YPEL4: variants seen among roughly 807,000 people sequenced by gnomAD.
YPEL4 encodes protein yippee-like 4.
Under a neutral mutation model 16.3 loss-of-function variants are expected in YPEL4, and 5 were observed. That is an observed-to-expected ratio of 0.31 (90% confidence interval 0.16 to 0.64). YPEL4 has a LOEUF of 0.64. Ranked by LOEUF, YPEL4 falls within the 30% of genes least tolerant of loss-of-function variation. The pLI, the probability that YPEL4 is intolerant of heterozygous loss-of-function variation, is 0.79. For synonymous variants in YPEL4, 61 were observed against 60.7 expected, an observed-to-expected ratio of 1.00 and a Z score of -0.02; for missense variants, 127 against 170.0, an observed-to-expected ratio of 0.75 and a Z score of 1.41.
Position 57,647,563 on chromosome 11 carries a change from A to G in YPEL4, c.-184-272T>C, listed in dbSNP as rs1945747425. The G allele has an allele frequency of 6.5e-6, 1 of 154,312 alleles. No individual in the cohort carries two copies. Among genetic ancestry groups the G allele is most frequent in the South Asian group, 2.1e-4 (1 of 4,878 alleles). The allele number at this position is 154,312 out of a possible 1,614,324, so 9.6% of individuals were successfully genotyped here. A position where few individuals can be genotyped will look rare whatever the true frequency, so the allele number is the denominator to read the frequency against. On this transcript the variant is annotated intron_variant, in intron 1 of 4. Transcript: ENST00000300022. The surrounding 1 kb of genome is among the most constrained non-coding windows in gnomAD (Gnocchi z 4.2). ...AAGCAGCCTCCACCATTTTCCACAG[A>G]GAGAAGCCCACGGGCACAGACGCTG...
At chr11:57,646,448 C>G (rs1371969310) in intron 3 of YPEL4, 43 bp from the exon 4 acceptor site, 2 of 1,607,512 alleles carry the variant, frequency 1.2e-6, no homozygotes, top group Non-Finnish European at 1.7e-6. Flanking sequence ...AGTGGGGTTG[C>G]ACTGTCAGTC....
chr11:57,646,566 G>T, intron 3 of YPEL4, 161 bp from the exon 4 acceptor site: 1 of 1,202,622 alleles, frequency 8.3e-7, no homozygotes, highest in Non-Finnish European at 1.2e-6. Context: ...TTTTTCCACC[G>T]TTATGATTTC....
At chr11:57,648,607 C>T (rs989822783) in intron 1 of YPEL4, 1 of 152,554 alleles carries the variant, frequency 6.6e-6, no homozygotes, top group Non-Finnish European at 1.5e-5. Flanking sequence ...ACAGGCTCTC[C>T]TCGTCCTGTC....
At chr11:57,646,459 C>T (rs1018514848) in intron 3 of YPEL4, 54 bp from the exon 4 acceptor site, 20 of 1,599,992 alleles carry the variant, frequency 1.3e-5, no homozygotes, top group Non-Finnish European at 1.6e-5. Context: ...ACTGTCAGTC[C>T]AGTCCCCAGA....
intron 1 of YPEL4, chr11:57,648,125 T>C (rs1443248219): frequency 2.0e-5 from 3 of 152,294 alleles, no homozygotes; most frequent in Non-Finnish European, 4.4e-5. Context: ...ATGGGTAGCA[T>C]GTCAGAGGAG....
rs1945751926 is a variant in YPEL4, at chr11:57,647,905, G to C, written c.-184-614C>G. ...TAGAACTTTATAGATGTTTCCAACAGTACCAAAGCCCTCACGTGTGGCCGC... is the reference window on the plus strand; with the variant it reads ...TAGAACTTTATAGATGTTTCCAACACTACCAAAGCCCTCACGTGTGGCCGC... On this transcript the variant is annotated intron_variant, in intron 1 of 4. Transcript: ENST00000300022. The surrounding 1 kb of genome is among the most constrained non-coding windows in gnomAD (Gnocchi z 4.2). The C allele has an allele frequency of 6.6e-6, 1 of 152,302 alleles. No homozygotes were observed. Among genetic ancestry groups the C allele is most frequent in the East Asian group, 1.9e-4 (1 of 5,180 alleles). 9.4% of individuals were successfully genotyped at this position (152,302 alleles called of 1,614,324 possible). A position where few individuals can be genotyped will look rare whatever the true frequency, so the allele number is the denominator to read the frequency against.
intron 1 of YPEL4, chr11:57,648,057 A>G (rs1490581641): frequency 6.6e-6 from 1 of 152,168 alleles, no homozygotes. Flanking sequence ...CCTTGGTTAA[A>G]GACTTAGGCA....
Position 57,645,609 on chromosome 11 carries a change from TTG to T in YPEL4, c.*370_*371del, listed in dbSNP as rs1201811763. 4 of 224,316 alleles carry T rather than the reference TTG, an allele frequency of 1.8e-5. 1 individual carries two copies. Among genetic ancestry groups the T allele is most frequent in the African/African-American group, 9.1e-5 (4 of 44,190 alleles). 13.9% of individuals were successfully genotyped at this position (224,316 alleles called of 1,614,324 possible). ...ATCTACTTGCCCTGTGACCCAAGGTTTGTCCTCTGTTCACTCAAAAAGAGGTG... is the reference window on the plus strand; with the variant it reads ...ATCTACTTGCCCTGTGACCCAAGGTTTCCTCTGTTCACTCAAAAAGAGGTG... On this transcript the variant is annotated 3_prime_UTR_variant, in exon 5 of 5. Transcript: ENST00000300022.
chr11:57,647,103 G>T lies in YPEL4; in HGVS notation c.5C>A (p.Pro2His). The change falls in exon 2 of 5, where the codon CCC becomes CAC. Residue 2 changes from proline to histidine, a missense_variant. Physicochemically the swap from Pro to His is moderately conservative, Grantham distance 77. Transcript: ENST00000300022. This position sits in a 1 kb window ranked among gnomAD's most constrained non-coding sequence, Gnocchi z 4.2. M[P>H]SCDPGPGPAC... ...AGGGCCCGGACCGGGGTCACAGCTGGGCATGACGGGCTGGAGGACAATGCC... is the reference window on the plus strand; with the variant it reads ...AGGGCCCGGACCGGGGTCACAGCTGTGCATGACGGGCTGGAGGACAATGCC... 6.4e-7 allele frequency: 1 copy of T among 1,573,652 alleles called. No homozygotes were observed. Among genetic ancestry groups the T allele is most frequent in the Non-Finnish European group, 8.6e-7 (1 of 1,163,268 alleles).
chr11:57,648,424 GC>G, intron 1 of YPEL4: 1 of 152,438 alleles, frequency 6.6e-6, no homozygotes, highest in Non-Finnish European at 1.5e-5. Flanking sequence ...AAGGGAGGTG[GC>G]CCCTGTTGGC....
chr11:57,646,792 G>T lies in YPEL4; in HGVS notation c.144C>A (p.Ser48=). The change falls in exon 3 of 5, where the codon TCC becomes TCA. Residue 48 remains serine, a splice_region_variant and synonymous_variant. Transcript: ENST00000300022. ...LAKHDELISK[S]FQGSHGRAYL... Reference sequence around the variant, plus strand: ...AGGCTCGGCCATGGCTCCCTTGGAAGGACTGTGGAGACATAGGACAGACAA... The same window carrying T: ...AGGCTCGGCCATGGCTCCCTTGGAATGACTGTGGAGACATAGGACAGACAA... 6.2e-7 allele frequency: 1 copy of T among 1,613,942 alleles called. No homozygotes were observed. The highest frequency in any genetic ancestry group is 1.1e-5 in the South Asian group (1 of 90,988).
Position 57,646,727 on chromosome 11 carries a change from G to A in YPEL4, c.185+24C>T, listed in dbSNP as rs115893124. 2,078 of 1,613,086 alleles carry A rather than the reference G, an allele frequency of 1.3e-3. 20 individuals are homozygous for A. The African/African-American group carries it at 0.023, about 18-fold the overall frequency. On this transcript the variant is annotated intron_variant, in intron 3 of 4. Transcript: ENST00000300022. ...CACTCACACACAAGCACAAGCACAC[G>A]CACAAGGAAAGAGGTAGACTCACAC...
intron 1 of YPEL4, chr11:57,649,279 CA>C (rs1194728648): frequency 1.5e-5 from 2 of 137,760 alleles, no homozygotes; most frequent in African/African-American, 5.6e-5. Context: ...TCGTGCTTCT[CA>C]GGGGGGAAAA....
intron 3 of YPEL4, 65 bp from the exon 4 acceptor site, chr11:57,646,470 C>G (rs12793139): frequency 0.31 from 497,611 of 1,580,504 alleles, 86,473 homozygotes; most frequent in East Asian, 0.79. Flanking sequence ...AGTCCCCAGA[C>G]AGCCCAAGGG....
chr11:57,649,013 A>C (rs1945761942), intron 1 of YPEL4: 1 of 152,294 alleles, frequency 6.6e-6, no homozygotes, highest in African/African-American at 2.4e-5. Context: ...AGCCAAGGAA[A>C]GGCTGCACAG....
chr11:57,649,207 G>C (rs1025160555), intron 1 of YPEL4: 1 of 151,842 alleles, frequency 6.6e-6, no homozygotes, highest in Admixed American at 6.6e-5. Context: ...GGGCTGGCGG[G>C]GGCAACTGAC....
At position 57,645,932 on chromosome 11, in the gene YPEL4, G is replaced by A. The variant is rs765322413; in HGVS notation, c.*49C>T. 81 of 1,591,376 alleles carry A rather than the reference G, an allele frequency of 5.1e-5. No individual in the cohort carries two copies. Among genetic ancestry groups the A allele is most frequent in the Non-Finnish European group, 6.2e-5 (72 of 1,163,580 alleles). On this transcript the variant is annotated 3_prime_UTR_variant, in exon 5 of 5. Coordinates refer to ENST00000300022, the MANE Select transcript of YPEL4 (RefSeq NM_145008.3). ...CTGGTATAGACTGCTTGGCAGGGCCGTGGGGAGGGAGGGGCATGCGGAGGA... is the reference window on the plus strand; with the variant it reads ...CTGGTATAGACTGCTTGGCAGGGCCATGGGGAGGGAGGGGCATGCGGAGGA...
At chr11:57,646,245 G>A in intron 4 of YPEL4, 52 bp downstream of exon 4, 2 of 1,600,466 alleles carry the variant, frequency 1.2e-6, no homozygotes, top group South Asian at 1.1e-5. Context: ...GGTGCTTGAA[G>A]GGCCATGGGG....
chr11:57,646,560 T>C, intron 3 of YPEL4, 155 bp from the exon 4 acceptor site: 1 of 1,200,640 alleles, frequency 8.3e-7, no homozygotes, highest in Non-Finnish European at 1.2e-6. Context: ...GCCTTCTTTT[T>C]CCACCGTTAT....
Sources: allele counts gnomAD v4.1 joint callset, GRCh38; gene constraint gnomAD v4.1.1; non-coding constraint Gnocchi (gnomAD v3.1); transcripts MANE v1.5; gene names NCBI Gene and HGNC (gene_info 2026-07-23, HGNC 2026-07-21).